Variants in POC1B observed in about 807,000 individuals in gnomAD.
The protein encoded by POC1B is POC1 centriolar protein homolog B.
POC1B carries 44 observed loss-of-function variants against 60.6 expected under a neutral mutation model. That is an observed-to-expected ratio of 0.73 (90% confidence interval 0.57 to 0.93). POC1B has a LOEUF of 0.93. Ranked by LOEUF, POC1B falls within the 40% of genes least tolerant of loss-of-function variation. The probability of loss-of-function intolerance (pLI) is 0.00; values close to 1 mark genes in which losing one functional copy is unlikely to be tolerated. For synonymous variants in POC1B, 180 were observed against 198.9 expected, an observed-to-expected ratio of 0.90 and a Z score of 0.80; for missense variants, 555 against 572.3, an observed-to-expected ratio of 0.97 and a Z score of 0.31.
chr12:89,471,493 A>T (rs1196366557), intron 6 of POC1B, 121 bp downstream of exon 6: 1 of 709,426 alleles, frequency 1.4e-6, no homozygotes, highest in Non-Finnish European at 2.4e-6. Flanking sequence ...ACTATTCTCT[A>T]GCCTGTTCCA....
intron 2 of POC1B, among the ~76,000 whole-genome samples, chr12:89,511,206 T>A (rs1051138648): frequency 1.2e-4 from 18 of 151,778 alleles, no homozygotes; most frequent in Non-Finnish European, 2.4e-4. Context: ...GTAGATCACC[T>A]GAGGTCAGGA....
intron 10 of POC1B, among the ~76,000 whole-genome samples, chr12:89,430,640 T>C (rs1024038949): frequency 1.3e-4 from 20 of 152,144 alleles, no homozygotes; most frequent in African/African-American, 4.1e-4. Context: ...TCAGAATTAA[T>C]CACTAGTGCC....
At chr12:89,446,881 TGCCAC>T (rs1881814664) in intron 10 of POC1B, among the ~76,000 whole-genome samples, 1 of 152,050 alleles carries the variant, frequency 6.6e-6, no homozygotes. Context: ...GCAGAAGCAA[TGCCAC>T]TGTTGCCGGG....
chr12:89,445,593 T>C (rs928884147), intron 10 of POC1B, among the ~76,000 whole-genome samples: 5 of 151,984 alleles, frequency 3.3e-5, no homozygotes, highest in African/African-American at 4.8e-5. Context: ...TTACACCTTA[T>C]ACAAAAATTA....
intron 9 of POC1B, chr12:89,461,212 G>A (rs1258823487): frequency 6.6e-6 from 1 of 152,180 alleles, no homozygotes; most frequent in Non-Finnish European, 1.5e-5. Flanking sequence ...TTCAAAGCCA[G>A]CATGTGACCT....
intron 10 of POC1B, among the ~76,000 whole-genome samples, chr12:89,433,690 T>C (rs1007816351): frequency 8.5e-5 from 13 of 152,178 alleles, no homozygotes; most frequent in Non-Finnish European, 1.8e-4. Context: ...TAGAAGAGTG[T>C]TGGCCAAAGA....
intron 2 of POC1B, among the ~76,000 whole-genome samples, chr12:89,516,721 GA>G (rs1215841653): frequency 1.3e-5 from 2 of 152,126 alleles, no homozygotes; most frequent in Admixed American, 1.3e-4. Context: ...CCAGAAGCCT[GA>G]AATCATGGTG....
intron 2 of POC1B, among the ~76,000 whole-genome samples, chr12:89,511,666 A>G (rs1264946561): frequency 6.6e-6 from 1 of 152,062 alleles, no homozygotes; most frequent in Middle Eastern, 3.2e-3. Flanking sequence ...TATTTGGGGG[A>G]AAAATAGGGA....
chr12:89,477,448 C>T (rs2135724531), intron 4 of POC1B, among the ~76,000 whole-genome samples: 1 of 152,222 alleles, frequency 6.6e-6, no homozygotes, highest in East Asian at 1.9e-4. Context: ...GCTTGCTGGG[C>T]ATCCCCTTTT....
In POC1B at chr12:89,502,733, A is replaced by C. The variant is rs1869637851; in HGVS notation, c.101-5391T>G. 14 of 1,353,602 alleles carry C rather than the reference A, an allele frequency of 1.0e-5. No homozygotes were observed. The South Asian group carries it at 1.8e-4, about 17-fold the overall frequency. The allele number at this position is 1,353,602 out of a possible 1,614,324, so 83.8% of individuals were successfully genotyped here. On this transcript the variant is annotated intron_variant, in intron 2 of 11. Transcript: ENST00000313546. Reference sequence around the variant, plus strand: ...TTTTTCTACTGGGAAATTGATATTAAGACCACAAGAAGAAAAGGGAAAGCA... The same window carrying C: ...TTTTTCTACTGGGAAATTGATATTACGACCACAAGAAGAAAAGGGAAAGCA...
At chr12:89,408,265 A>G in the POC1B span, among the ~76,000 whole-genome samples, 13 of 152,182 alleles carry the variant, frequency 8.5e-5, no homozygotes, top group African/African-American at 3.1e-4. Flanking sequence ...TGCAATAAAC[A>G]TATGTGTACA....
chr12:89,497,945 G>C (rs929127268), intron 2 of POC1B, among the ~76,000 whole-genome samples: 3 of 152,036 alleles, frequency 2.0e-5, no homozygotes, highest in Non-Finnish European at 4.4e-5. Flanking sequence ...AAACACATAC[G>C]TATTTTTTTG....
chr12:89,410,678 CAAA>C, the POC1B span, among the ~76,000 whole-genome samples: 1 of 134,902 alleles, frequency 7.4e-6, no homozygotes. Flanking sequence ...GACTCCGTCT[CAAA>C]AAAAAAAAAA....
At chr12:89,410,257 C>T in the POC1B span, among the ~76,000 whole-genome samples, 7 of 152,292 alleles carry the variant, frequency 4.6e-5, no homozygotes, top group East Asian at 1.3e-3. Flanking sequence ...ATTCAACATC[C>T]CTTCATGCTA....
At chr12:89,515,762 T>A (rs567669240) in intron 2 of POC1B, among the ~76,000 whole-genome samples, 1 of 152,272 alleles carries the variant, frequency 6.6e-6, no homozygotes, top group South Asian at 2.1e-4. Context: ...CTCACTTCCA[T>A]CCCATCCAGA....
At chr12:89,437,909 G>T (rs1240151241) in intron 10 of POC1B, among the ~76,000 whole-genome samples, 2 of 151,780 alleles carry the variant, frequency 1.3e-5, no homozygotes, top group Non-Finnish European at 2.9e-5. Flanking sequence ...TTAGCAGGGA[G>T]TGTTGGTGTG....
chr12:89,424,386 G>T (rs1340029785), intron 11 of POC1B, among the ~76,000 whole-genome samples: 1 of 152,178 alleles, frequency 6.6e-6, no homozygotes, highest in African/African-American at 2.4e-5. Flanking sequence ...CCAGTTGGGT[G>T]ATTTCTATGC....
At chr12:89,478,132 T>C (rs1348889747) in intron 4 of POC1B, among the ~76,000 whole-genome samples, 1 of 151,872 alleles carries the variant, frequency 6.6e-6, no homozygotes, top group Non-Finnish European at 1.5e-5. Context: ...CATTTATTGA[T>C]AGACTCTTGC....
chr12:89,461,814 G>A (rs924890045), intron 9 of POC1B: 3 of 152,168 alleles, frequency 2.0e-5, no homozygotes, highest in African/African-American at 7.2e-5. Flanking sequence ...CCATAAAGCA[G>A]AAATCAAACA....
Sources: allele counts gnomAD v4.1 joint callset (sites outside exome capture counted in the v4.1 genomes callset), GRCh38; gene constraint gnomAD v4.1.1; transcripts MANE v1.5; gene names NCBI Gene and HGNC (gene_info 2026-07-23, HGNC 2026-07-21).